ARHGAP15: variants seen among roughly 807,000 people sequenced by gnomAD.
ARHGAP15 encodes the protein rho GTPase-activating protein 15.
A neutral mutation model predicts 63.7 loss-of-function variants in ARHGAP15; 51 were observed. The observed-to-expected ratio is 0.80, with a 90% CI of 0.64 to 1.01. The LOEUF is 1.01. Ranked by LOEUF, ARHGAP15 falls within the 50% of genes least tolerant of loss-of-function variation. ARHGAP15 has a pLI of 0.00. For missense variants in ARHGAP15, 560 were observed against 564.6 expected, an observed-to-expected ratio of 0.99 and a Z score of 0.08; for synonymous variants, 191 against 193.8, an observed-to-expected ratio of 0.99 and a Z score of 0.12.
intron 11 of ARHGAP15, among the ~76,000 whole-genome samples, chr2:143,596,061 G>T (rs1171751784): frequency 1.3e-5 from 2 of 152,066 alleles, no homozygotes; most frequent in Non-Finnish European, 2.9e-5. Flanking sequence ...ACCCTTGCTT[G>T]GTGCTAAATG....
intron 10 of ARHGAP15, among the ~76,000 whole-genome samples, chr2:143,543,015 A>G (rs1307099174): frequency 1.3e-5 from 2 of 151,404 alleles, no homozygotes; most frequent in Admixed American, 1.3e-4. Flanking sequence ...AAGAATGCAG[A>G]TATCTTTTTG....
chr2:143,453,596 T>C (rs547267669), intron 8 of ARHGAP15, among the ~76,000 whole-genome samples: 7 of 152,126 alleles, frequency 4.6e-5, no homozygotes, highest in Non-Finnish European at 7.4e-5. Context: ...TTGAAATTCC[T>C]AGAGATTAAT....
At chr2:143,181,713 G>A (rs1226501230) in intron 2 of ARHGAP15, among the ~76,000 whole-genome samples, 1 of 152,192 alleles carries the variant, frequency 6.6e-6, no homozygotes, top group African/African-American at 2.4e-5. Flanking sequence ...GCTCTTAAGG[G>A]AAAGTTGTGG....
chr2:143,686,162 A>G (rs1278804139), intron 12 of ARHGAP15, among the ~76,000 whole-genome samples: 1 of 152,010 alleles, frequency 6.6e-6, no homozygotes, highest in African/African-American at 2.4e-5. Flanking sequence ...TAATCCCAGC[A>G]TTTTGGGAGG....
chr2:143,321,659 A>AG (rs1440234327), intron 6 of ARHGAP15, among the ~76,000 whole-genome samples: 1 of 152,268 alleles, frequency 6.6e-6, no homozygotes, highest in Non-Finnish European at 1.5e-5. Context: ...CCTCCAAGGA[A>AG]GGAGTGCAAG....
In ARHGAP15 at chr2:143,416,714, G is replaced by A. The variant is rs1688693233; in HGVS notation, c.475-18887G>A. On this transcript the variant is annotated intron_variant, in intron 6 of 13. Coordinates refer to ENST00000295095, the MANE Select transcript of ARHGAP15 (RefSeq NM_018460.4). ...TTAGTGCATCTGTAATTGTTCTCACGGGCACAGCAACGCAAACACAGTAAC... is the reference window on the plus strand; with the variant it reads ...TTAGTGCATCTGTAATTGTTCTCACAGGCACAGCAACGCAAACACAGTAAC... 2.0e-5 allele frequency among the ~76,000 whole-genome samples: 3 copies of A among 151,992 alleles called. No individual in the cohort carries two copies. The South Asian group carries it at 6.3e-4, about 32-fold the overall frequency.
intron 6 of ARHGAP15, among the ~76,000 whole-genome samples, chr2:143,306,472 G>A (rs1054358769): frequency 1.3e-5 from 2 of 152,054 alleles, no homozygotes; most frequent in Non-Finnish European, 2.9e-5. Context: ...CTGATAAATA[G>A]GGCTAATAAT....
chr2:143,667,011 GC>G (rs1682237617), intron 12 of ARHGAP15, among the ~76,000 whole-genome samples: 1 of 144,578 alleles, frequency 6.9e-6, no homozygotes, highest in African/African-American at 2.6e-5. Flanking sequence ...AGTCAGTGTG[GC>G]GATTCCTCAG....
At chr2:143,507,697 A>G (rs1239297134) in intron 9 of ARHGAP15, among the ~76,000 whole-genome samples, 1 of 152,168 alleles carries the variant, frequency 6.6e-6, no homozygotes, top group African/African-American at 2.4e-5. Context: ...GGTGCTTGGT[A>G]CATATCTCAG....
intron 11 of ARHGAP15, among the ~76,000 whole-genome samples, chr2:143,574,167 C>A (rs1202575802): frequency 6.6e-6 from 1 of 152,116 alleles, no homozygotes; most frequent in African/African-American, 2.4e-5. Context: ...CACACTGACA[C>A]TCACTCACAC....
chr2:143,534,812 T>C (rs186951233), intron 10 of ARHGAP15, among the ~76,000 whole-genome samples: 3 of 151,848 alleles, frequency 2.0e-5, no homozygotes, highest in Middle Eastern at 3.4e-3. Context: ...CCTGGAGAGG[T>C]TGAGGCTGCT....
At chr2:143,533,034 T>C (rs1445536861) in intron 10 of ARHGAP15, among the ~76,000 whole-genome samples, 2 of 152,232 alleles carry the variant, frequency 1.3e-5, no homozygotes, top group African/African-American at 4.8e-5. Context: ...TTTAACTTTT[T>C]CACTTTCTTG....
intron 6 of ARHGAP15, among the ~76,000 whole-genome samples, chr2:143,280,672 G>A (rs560614179): frequency 6.6e-6 from 1 of 152,152 alleles, no homozygotes; most frequent in East Asian, 1.9e-4. Flanking sequence ...TCTGTCTATG[G>A]TGCCTTCTTG....
At chr2:143,439,845 A>G (rs1574452909) in intron 8 of ARHGAP15, among the ~76,000 whole-genome samples, 1 of 152,154 alleles carries the variant, frequency 6.6e-6, no homozygotes, top group East Asian at 1.9e-4. Flanking sequence ...TAGAAATATT[A>G]TGTTAAAAAT....
intron 12 of ARHGAP15, among the ~76,000 whole-genome samples, chr2:143,648,216 CCTT>C (rs1219738066): frequency 2.6e-5 from 4 of 152,004 alleles, no homozygotes. Context: ...TAAACTTTAG[CCTT>C]CTTGTATGCA....
chr2:143,185,922 G>C (rs1691429633), intron 2 of ARHGAP15, among the ~76,000 whole-genome samples: 1 of 151,990 alleles, frequency 6.6e-6, no homozygotes, highest in African/African-American at 2.4e-5. Flanking sequence ...CTTCTCCAGA[G>C]CTCCCTACAA....
chr2:143,520,057 C>A (rs1401326675), intron 10 of ARHGAP15, among the ~76,000 whole-genome samples: 1 of 152,064 alleles, frequency 6.6e-6, no homozygotes, highest in Non-Finnish European at 1.5e-5. Flanking sequence ...ATAGTAGATG[C>A]AGAATCTTAA....
At chr2:143,160,783 C>T (rs1046646391) in intron 2 of ARHGAP15, among the ~76,000 whole-genome samples, 3 of 151,922 alleles carry the variant, frequency 2.0e-5, no homozygotes, top group Admixed American at 6.6e-5. Context: ...CACCCTTTGC[C>T]ATCTCATGCT....
chr2:143,355,722 T>C (rs1685779726), intron 6 of ARHGAP15, among the ~76,000 whole-genome samples: 1 of 152,134 alleles, frequency 6.6e-6, no homozygotes, highest in South Asian at 2.1e-4. Context: ...GAGTTATCCA[T>C]AGTACCAAAA....
Sources: gnomAD v4.1 joint callset for allele counts (sites outside exome capture counted in the v4.1 genomes callset) on GRCh38, gnomAD v4.1.1 for gene constraint, MANE v1.5 for transcripts, NCBI Gene and HGNC (gene_info 2026-07-23, HGNC 2026-07-21) for gene names.